Variants in SGCZ observed in about 807,000 individuals in gnomAD.
SGCZ encodes the protein zeta-sarcoglycan.
SGCZ carries 40 observed loss-of-function variants against 41.3 expected under a neutral mutation model. That is an observed-to-expected ratio of 0.97 (90% confidence interval 0.75 to 1.26). The LOEUF is 1.26. SGCZ is among the 50% of genes most tolerant of loss of function. The probability of loss-of-function intolerance (pLI) is 0.00; values close to 1 mark genes in which losing one functional copy is unlikely to be tolerated. For synonymous variants in SGCZ, 206 were observed against 137.5 expected, an observed-to-expected ratio of 1.50 and a Z score of -3.49; for missense variants, 552 against 369.8, an observed-to-expected ratio of 1.49 and a Z score of -4.04.
At chr8:14,546,833 A>C (rs935081289) in intron 2 of SGCZ, among the ~76,000 whole-genome samples, 1 of 152,186 alleles carries the variant, frequency 6.6e-6, no homozygotes, top group Non-Finnish European at 1.5e-5. Flanking sequence ...CATTAATACA[A>C]TGAAATGCGG....
At chr8:14,795,028 A>G (rs1198280565) in intron 1 of SGCZ, among the ~76,000 whole-genome samples, 2 of 152,206 alleles carry the variant, frequency 1.3e-5, no homozygotes, top group Non-Finnish European at 2.9e-5. Context: ...TTCAGATCAA[A>G]TGGAGGATAT....
At position 14,149,804 on chromosome 8, in the gene SGCZ, G is replaced by A. The variant is rs536873712; in HGVS notation, c.547+14776C>T. On this transcript the variant is annotated intron_variant, in intron 5 of 7. Transcript: ENST00000382080. ...CTGTGGAGCTACAGCAACAAAAGTA[G>A]CATGGTATTCTCATAAAAACAGACA... 3.8e-4 allele frequency among the ~76,000 whole-genome samples: 58 copies of A among 152,150 alleles called. No homozygotes were observed. In the Middle Eastern group the frequency reaches 0.01, roughly 27 times the overall value.
intron 1 of SGCZ, among the ~76,000 whole-genome samples, chr8:15,059,925 G>A (rs1366664697): frequency 1.3e-5 from 2 of 152,204 alleles, no homozygotes; most frequent in Non-Finnish European, 2.9e-5. Context: ...TGGGTGTGGA[G>A]AGAGGCAATG....
At chr8:14,194,009 C>T (rs934742257) in intron 4 of SGCZ, among the ~76,000 whole-genome samples, 25 of 151,742 alleles carry the variant, frequency 1.6e-4, no homozygotes, top group African/African-American at 5.8e-4. Flanking sequence ...GACAAGTCAG[C>T]ATGATGGGAC....
intron 1 of SGCZ, among the ~76,000 whole-genome samples, chr8:14,747,640 T>C (rs1799372868): frequency 1.4e-5 from 2 of 147,084 alleles, no homozygotes; most frequent in Admixed American, 1.4e-4. Context: ...TTGTACCTGG[T>C]ACAGGGAAAG....
At chr8:14,234,140 T>C (rs1324464846) in intron 4 of SGCZ, among the ~76,000 whole-genome samples, 1 of 152,106 alleles carries the variant, frequency 6.6e-6, no homozygotes, top group South Asian at 2.1e-4. Context: ...CAAATTGATT[T>C]TTCTACCTAA....
At chr8:14,206,723 G>A (rs140428369) in intron 4 of SGCZ, among the ~76,000 whole-genome samples, 51 of 152,240 alleles carry the variant, frequency 3.3e-4, no homozygotes, top group African/African-American at 1.2e-3. Flanking sequence ...GCTATAACTG[G>A]TAAGGGTATT....
At chr8:14,702,804 G>C (rs1210615907) in intron 1 of SGCZ, among the ~76,000 whole-genome samples, 1 of 139,220 alleles carries the variant, frequency 7.2e-6, no homozygotes, top group African/African-American at 2.6e-5. Flanking sequence ...CAGACAGGTA[G>C]GTAGTTAGGT....
At chr8:14,629,729 G>C (rs1367071287) in intron 1 of SGCZ, among the ~76,000 whole-genome samples, 1 of 152,012 alleles carries the variant, frequency 6.6e-6, no homozygotes, top group Non-Finnish European at 1.5e-5. Flanking sequence ...GACTTTTTTA[G>C]GGTAAACAAA....
chr8:15,157,819 T>A (rs996793737), intron 1 of SGCZ, among the ~76,000 whole-genome samples: 1 of 152,174 alleles, frequency 6.6e-6, no homozygotes, highest in African/African-American at 2.4e-5. Context: ...TGGCATTCAA[T>A]CTATTCCCCT....
At chr8:14,573,392 G>C (rs1290810986) in intron 1 of SGCZ, among the ~76,000 whole-genome samples, 1 of 151,758 alleles carries the variant, frequency 6.6e-6, no homozygotes, top group East Asian at 1.9e-4. Flanking sequence ...AGTAGAGACG[G>C]GGTTTCACCG....
rs890842694 is a variant in SGCZ, at chr8:14,475,453, G to A, written c.234+79279C>T. 1.6e-4 allele frequency among the ~76,000 whole-genome samples: 24 copies of A among 150,580 alleles called. 1 individual carries two copies. Among genetic ancestry groups the A allele is most frequent in the South Asian group, 1.5e-3 (7 of 4,826 alleles). ...TCCTTTTTTAAAGGATCATATCCAT[G>A]CATGATTCATTTTTCATTCCAGTGA... On this transcript the variant is annotated intron_variant, in intron 2 of 7. Coordinates refer to ENST00000382080, the MANE Select transcript of SGCZ (RefSeq NM_139167.4).
chr8:14,333,120 T>C (rs541987183), intron 2 of SGCZ, among the ~76,000 whole-genome samples: 102 of 152,228 alleles, frequency 6.7e-4, no homozygotes, highest in African/African-American at 2.4e-3. Context: ...CTCAGTCTAA[T>C]ATTAGTTACA....
intron 4 of SGCZ, among the ~76,000 whole-genome samples, chr8:14,195,065 A>G (rs1202299054): frequency 8.5e-5 from 13 of 152,154 alleles, no homozygotes; most frequent in Non-Finnish European, 1.9e-4. Context: ...CAAATATTGA[A>G]AGATTACTAG....
intron 1 of SGCZ, among the ~76,000 whole-genome samples, chr8:15,101,786 T>C (rs758756821): frequency 6.6e-6 from 1 of 152,098 alleles, no homozygotes; most frequent in Non-Finnish European, 1.5e-5. Context: ...AAAAATTAGC[T>C]GGGCATGGTC....
intron 5 of SGCZ, among the ~76,000 whole-genome samples, chr8:14,134,255 A>C (rs182088063): frequency 2.6e-5 from 4 of 152,350 alleles, no homozygotes; most frequent in Admixed American, 1.3e-4. Context: ...AAATTCAATA[A>C]TTAGAATATT....
At chr8:15,234,755 C>G (rs1387612806) in intron 1 of SGCZ, among the ~76,000 whole-genome samples, 4 of 152,082 alleles carry the variant, frequency 2.6e-5, no homozygotes, top group Non-Finnish European at 4.4e-5. Flanking sequence ...ACACCCAGCA[C>G]AGCAAAAAAT....
intron 1 of SGCZ, among the ~76,000 whole-genome samples, chr8:14,767,155 G>A (rs1156362597): frequency 6.6e-6 from 1 of 152,112 alleles, no homozygotes; most frequent in African/African-American, 2.4e-5. Context: ...TTTGCCCAAT[G>A]TGATGATGAG....
chr8:14,211,246 C>T (rs1805796756), intron 4 of SGCZ, among the ~76,000 whole-genome samples: 1 of 152,092 alleles, frequency 6.6e-6, no homozygotes, highest in South Asian at 2.1e-4. Context: ...TTCTGTGCTC[C>T]TGGGCTGTGC....
Sources: gnomAD v4.1 joint callset for allele counts (sites outside exome capture counted in the v4.1 genomes callset) on GRCh38, gnomAD v4.1.1 for gene constraint, MANE v1.5 for transcripts, NCBI Gene and HGNC (gene_info 2026-07-23, HGNC 2026-07-21) for gene names.